The following TG variants were observed in gnomAD, a reference collection of about 807,000 sequenced individuals.
TG encodes thyroid hormones.
TG carries 270 observed loss-of-function variants against 324.7 expected under a neutral mutation model. The observed-to-expected ratio is 0.83, with a 90% confidence interval of 0.75 to 0.92. The LOEUF (loss-of-function observed/expected upper bound fraction) is 0.92. Among genes scored for constraint, TG ranks in the 40% least tolerant of loss-of-function variants. The probability of loss-of-function intolerance (pLI) is 0.00; values close to 1 mark genes in which losing one functional copy is unlikely to be tolerated. For synonymous variants in TG, 1,401 were observed against 1,327.0 expected (o/e 1.06, Z -1.21); for missense variants, 3,591 against 3,456.4 (o/e 1.04, Z -0.98).
intron 35 of TG, among the ~76,000 whole-genome samples, chr8:132,996,163 A>G (rs565578357): frequency 6.6e-6 from 1 of 152,180 alleles, no homozygotes; most frequent in African/African-American, 2.4e-5. Context: ...AGCCCTCTGC[A>G]TGATAGTAAT....
intron 41 of TG, chr8:133,094,796 C>G: frequency 1.7e-6 from 1 of 579,864 alleles, no homozygotes; most frequent in South Asian, 1.9e-5. Context: ...TGAAGGTTCC[C>G]TTGTGCAGCA....
At chr8:133,125,057 A>C (rs1291338509) in intron 45 of TG, among the ~76,000 whole-genome samples, 1 of 152,244 alleles carries the variant, frequency 6.6e-6, no homozygotes, top group Non-Finnish European at 1.5e-5. Context: ...ACTCCTTGAC[A>C]TAATAGGGTT....
intron 41 of TG, among the ~76,000 whole-genome samples, chr8:133,084,836 G>C (rs750951722): frequency 3.9e-5 from 6 of 152,236 alleles, no homozygotes; most frequent in African/African-American, 1.4e-4. Flanking sequence ...ATGGACTGCC[G>C]TGCCTGTCAA....
At chr8:132,892,129 C>G (rs753438767) in intron 10 of TG, among the ~76,000 whole-genome samples, 4 of 152,194 alleles carry the variant, frequency 2.6e-5, no homozygotes, top group Non-Finnish European at 2.9e-5. Context: ...AAAAATTGAA[C>G]ACAAAGGTCT....
chr8:133,014,068 T>C (rs1329551345), intron 37 of TG, among the ~76,000 whole-genome samples: 1 of 152,240 alleles, frequency 6.6e-6, no homozygotes, highest in Non-Finnish European at 1.5e-5. Flanking sequence ...AGGCCTTATC[T>C]CATTTGGTCC....
chr8:132,929,954 T>C (rs548393834), intron 23 of TG, among the ~76,000 whole-genome samples: 24 of 152,234 alleles, frequency 1.6e-4, no homozygotes, highest in Admixed American at 7.2e-4. Flanking sequence ...CTCACCCAGG[T>C]AGTGAGCGTA....
At chr8:133,047,395 C>T (rs1326161916) in intron 41 of TG, 1 of 179,316 alleles carries the variant, frequency 5.6e-6, no homozygotes, top group Non-Finnish European at 1.2e-5. Context: ...ATTTGAATCT[C>T]ACCACACCCT....
At chr8:132,988,208 C>T (rs1275237674) in intron 35 of TG, among the ~76,000 whole-genome samples, 1 of 152,188 alleles carries the variant, frequency 6.6e-6, no homozygotes, top group East Asian at 1.9e-4. Flanking sequence ...CAAGTTTCCC[C>T]CAGATTCACC....
intron 21 of TG, among the ~76,000 whole-genome samples, chr8:132,920,896 C>T (rs2132458707): frequency 6.6e-6 from 1 of 152,352 alleles, no homozygotes; most frequent in East Asian, 1.9e-4. Context: ...GCTGCTATTG[C>T]AAATTACCAT....
intron 5 of TG, among the ~76,000 whole-genome samples, chr8:132,875,916 T>C (rs530312045): frequency 6.6e-6 from 1 of 152,266 alleles, no homozygotes; most frequent in African/African-American, 2.4e-5. Context: ...GAAGGAGCCT[T>C]GGAGGCCATA....
intron 39 of TG, 42 bp from the exon 40 acceptor site, chr8:133,021,948 GC>G: frequency 6.2e-7 from 1 of 1,612,834 alleles, no homozygotes; most frequent in Non-Finnish European, 8.5e-7. Context: ...TGGGAAAGGT[GC>G]CCTCCCCACA....
chr8:132,968,945 C>G (rs571145582), intron 31 of TG, among the ~76,000 whole-genome samples: 145 of 152,342 alleles, frequency 9.5e-4, no homozygotes, highest in Middle Eastern at 3.4e-3. Flanking sequence ...AAGAGATCCT[C>G]TCTTCTGTCG....
chr8:133,052,813 G>A (rs1213962779), intron 41 of TG, among the ~76,000 whole-genome samples: 3 of 152,258 alleles, frequency 2.0e-5, no homozygotes, highest in Non-Finnish European at 4.4e-5. Flanking sequence ...CGTATGATTT[G>A]TTTGGCTTCC....
At chr8:133,102,119 T>C (rs1315863702) in intron 43 of TG, among the ~76,000 whole-genome samples, 1 of 152,236 alleles carries the variant, frequency 6.6e-6, no homozygotes, top group Non-Finnish European at 1.5e-5. Context: ...TTAATTTTAA[T>C]ATTAAGATTA....
At position 132,988,064 on chromosome 8, in the gene TG, G is replaced by GCACACACACA. The variant is rs35161639; in HGVS notation, c.6262+4682_6262+4691dup. ...GAATGGGCAGCTTGTACATACACAT[G>GCACACACACA]CACACACACACACACACACACACAC... On this transcript the variant is annotated intron_variant, in intron 35 of 47. Transcript: ENST00000220616. Among the ~76,000 whole-genome samples the GCACACACACA allele has an allele frequency of 4.0e-3, 534 of 134,644 alleles. 3 individuals are homozygous for GCACACACACA. Among genetic ancestry groups the GCACACACACA allele is most frequent in the Middle Eastern group, 0.011 (3 of 264 alleles). 88.3% of individuals were successfully genotyped at this position (134,644 alleles called of 152,430 possible).
intron 35 of TG, among the ~76,000 whole-genome samples, chr8:132,994,538 T>C (rs1397962208): frequency 6.6e-6 from 1 of 152,192 alleles, no homozygotes; most frequent in African/African-American, 2.4e-5. Flanking sequence ...ATAATTTTAA[T>C]CACTGATTAA....
At position 132,867,011 on chromosome 8, in the gene TG, T is replaced by C; in HGVS notation, c.11T>C (p.Val4Ala). The change falls in exon 1 of 48, where the codon GTC becomes GCC. Residue 4 changes from valine (V) to alanine (A), a missense_variant. Val to Ala is a moderately conservative substitution (Grantham distance 64). Coordinates refer to ENST00000220616, the MANE Select transcript of TG (RefSeq NM_003235.5). MALVLEIFTLLASI... is the reference protein window; with the variant it reads MALALEIFTLLASI... ...GGAAGGGCCAGGAAAATGGCCCTGG[T>C]CCTGGAGATCTTCACCCTGCTGGCC... 6.3e-6 allele frequency: 10 copies of C among 1,597,090 alleles called. No individual in the cohort carries two copies. The highest frequency in any genetic ancestry group is 8.5e-6 in the Non-Finnish European group (10 of 1,170,428).
intron 8 of TG, 116 bp from the exon 9 acceptor site, chr8:132,886,332 G>A (rs1815414563): frequency 2.1e-6 from 3 of 1,398,676 alleles, no homozygotes; most frequent in African/African-American, 1.4e-5. Context: ...GGTTTCAAAC[G>A]TAGGTGTCCT....
chr8:132,867,794 G>A (rs970796936), intron 1 of TG, among the ~76,000 whole-genome samples: 13 of 151,958 alleles, frequency 8.6e-5, no homozygotes. Context: ...GGGGCGGGCG[G>A]GGAACGTGTA....
Sources: allele counts gnomAD v4.1 joint callset (sites outside exome capture counted in the v4.1 genomes callset), GRCh38; gene constraint gnomAD v4.1.1; transcripts MANE v1.5; gene names NCBI Gene and HGNC (gene_info 2026-07-23, HGNC 2026-07-21).